The following NRCAM variants were observed in gnomAD, a reference collection of about 807,000 sequenced individuals.
NRCAM encodes neuronal cell adhesion molecule.
A neutral mutation model predicts 156.5 loss-of-function variants in NRCAM; 83 were observed. That is an observed-to-expected ratio of 0.53 (90% CI 0.44 to 0.64). The LOEUF is 0.64. Among genes scored for constraint, NRCAM ranks in the 30% least tolerant of loss-of-function variants. The probability of loss-of-function intolerance (pLI) is 0.00; values close to 1 mark genes in which losing one functional copy is unlikely to be tolerated. For synonymous variants in NRCAM, 538 were observed against 563.9 expected, an observed-to-expected ratio of 0.95 and a Z score of 0.65; for missense variants, 1,417 against 1,597.3, an observed-to-expected ratio of 0.89 and a Z score of 1.92.
intron 22 of NRCAM, among the ~76,000 whole-genome samples, chr7:108,183,236 T>A (rs417455): frequency 0.68 from 103,249 of 151,978 alleles, 37,144 homozygotes; most frequent in East Asian, 0.96. Flanking sequence ...AGAATCCTTT[T>A]TATATTCCTG....
chr7:108,191,722 T>A lies in NRCAM; in HGVS notation c.1903+7A>T. 6.3e-7 allele frequency: 1 copy of A among 1,585,880 alleles called. No homozygotes were observed. The highest frequency in any genetic ancestry group is 8.6e-7 in the Non-Finnish European group (1 of 1,163,092). On this transcript the variant is annotated splice_region_variant and intron_variant, in intron 18 of 32. Transcript: ENST00000379028. ...GCCAGTTGTGCTATTTTTGTTTTCG[T>A]TCTTACCAACAACGCTAAGCACAGC...
At chr7:108,276,511 C>T (rs1006250508) in intron 3 of NRCAM, among the ~76,000 whole-genome samples, 5 of 151,344 alleles carry the variant, frequency 3.3e-5, no homozygotes, top group Admixed American at 1.3e-4. Context: ...CTCTTTTGAT[C>T]TTTGTTGTTT....
chr7:108,164,456 A>G (rs1269485364), intron 30 of NRCAM, among the ~76,000 whole-genome samples: 1 of 152,072 alleles, frequency 6.6e-6, no homozygotes, highest in African/African-American at 2.4e-5. Context: ...AAATCAGAGA[A>G]AGAGAGAGAA....
chr7:108,397,024 T>C (rs540002043), intron 2 of NRCAM, among the ~76,000 whole-genome samples: 61 of 152,342 alleles, frequency 4.0e-4, no homozygotes, highest in Non-Finnish European at 7.8e-4. Flanking sequence ...GCAAGTGTCA[T>C]TGGTGTGAAC....
intron 1 of NRCAM, among the ~76,000 whole-genome samples, chr7:108,445,078 T>C (rs1000886667): frequency 2.6e-5 from 4 of 152,176 alleles, no homozygotes; most frequent in South Asian, 2.1e-4. Context: ...ATTAAAATGG[T>C]TTCATGCTTT....
intron 1 of NRCAM, among the ~76,000 whole-genome samples, chr7:108,411,021 CT>C (rs1794743030): frequency 6.6e-6 from 1 of 152,040 alleles, no homozygotes; most frequent in South Asian, 2.1e-4. Flanking sequence ...AAAAACTTTC[CT>C]TCTACAATGA....
chr7:108,150,691 T>TTACC, intron 32 of NRCAM: 1 of 532,526 alleles, frequency 1.9e-6, no homozygotes, highest in Non-Finnish European at 3.9e-6. Flanking sequence ...AACTTCAACC[T>TTACC]TACCTTTCAA....
chr7:108,398,881 TACTGA>T (rs1452420537), intron 2 of NRCAM, among the ~76,000 whole-genome samples: 3 of 151,812 alleles, frequency 2.0e-5, no homozygotes, highest in Non-Finnish European at 4.4e-5. Context: ...TAGCAATGTT[TACTGA>T]ACTGAACTGA....
chr7:108,369,126 A>G (rs2099612831), intron 2 of NRCAM, among the ~76,000 whole-genome samples: 1 of 152,144 alleles, frequency 6.6e-6, no homozygotes, highest in African/African-American at 2.4e-5. Flanking sequence ...ATTCAATACT[A>G]ATTTTAACTT....
At position 108,226,823 on chromosome 7, in the gene NRCAM, AC is replaced by A. The variant is rs200752574; in HGVS notation, c.551-446del. On this transcript the variant is annotated intron_variant, in intron 8 of 32. Transcript: ENST00000379028. ...ACATTCAGAAACTAAATACGTGGAG[AC>A]CATCTAACAATGAGCTGGGTCCTGT... Among the ~76,000 whole-genome samples, 1,329 of 152,298 alleles carry A rather than the reference AC, an allele frequency of 8.7e-3. 12 individuals are homozygous for A. The highest frequency in any genetic ancestry group is 0.027 in the Middle Eastern group (8 of 294).
intron 2 of NRCAM, among the ~76,000 whole-genome samples, chr7:108,347,211 G>T (rs2154284354): frequency 6.6e-6 from 1 of 151,694 alleles, no homozygotes; most frequent in African/African-American, 2.4e-5. Context: ...CTAATTTTTT[G>T]TATTTTTATA....
At chr7:108,232,078 C>CTT (rs11454932) in intron 7 of NRCAM, among the ~76,000 whole-genome samples, 12 of 147,556 alleles carry the variant, frequency 8.1e-5, no homozygotes, top group African/African-American at 2.2e-4. Context: ...GGAAGAAACA[C>CTT]TTTTTTTTTT....
chr7:108,181,484 T>C (rs1381791975), intron 24 of NRCAM, among the ~76,000 whole-genome samples: 1 of 152,232 alleles, frequency 6.6e-6, no homozygotes, highest in Non-Finnish European at 1.5e-5. Flanking sequence ...GTTCAACACA[T>C]GTGGTCCATA....
At chr7:108,431,404 GCTC>G (rs1488799208) in intron 1 of NRCAM, among the ~76,000 whole-genome samples, 1 of 152,204 alleles carries the variant, frequency 6.6e-6, no homozygotes, top group Non-Finnish European at 1.5e-5. Flanking sequence ...GGCTTCAGCA[GCTC>G]CTCAACAATT....
intron 2 of NRCAM, among the ~76,000 whole-genome samples, chr7:108,346,643 G>A (rs1383559673): frequency 6.6e-6 from 1 of 152,128 alleles, no homozygotes; most frequent in Non-Finnish European, 1.5e-5. Flanking sequence ...TACAGTGATG[G>A]TATTTTTCTG....
intron 11 of NRCAM, among the ~76,000 whole-genome samples, chr7:108,220,431 T>G (rs1474574053): frequency 6.6e-6 from 1 of 152,134 alleles, no homozygotes; most frequent in Non-Finnish European, 1.5e-5. Context: ...GGCCTCACAC[T>G]ACCTGATTTC....
intron 3 of NRCAM, among the ~76,000 whole-genome samples, chr7:108,297,439 TA>T (rs893476703): frequency 6.6e-6 from 1 of 152,170 alleles, no homozygotes; most frequent in Non-Finnish European, 1.5e-5. Flanking sequence ...CACAGAAAAT[TA>T]AAGCAGCATT....
intron 28 of NRCAM, among the ~76,000 whole-genome samples, chr7:108,172,783 A>T (rs78506178): frequency 0.043 from 6,554 of 152,252 alleles, 458 homozygotes; most frequent in African/African-American, 0.15. Flanking sequence ...TAATTGAATT[A>T]TCCTGGGTTT....
intron 3 of NRCAM, among the ~76,000 whole-genome samples, chr7:108,296,631 G>C (rs899305133): frequency 6.6e-6 from 1 of 152,142 alleles, no homozygotes; most frequent in Non-Finnish European, 1.5e-5. Flanking sequence ...TATCAAATAT[G>C]AATGCAGGGT....
Sources: gnomAD v4.1 joint callset for allele counts (sites outside exome capture counted in the v4.1 genomes callset) on GRCh38, gnomAD v4.1.1 for gene constraint, MANE v1.5 for transcripts, NCBI Gene and HGNC (gene_info 2026-07-23, HGNC 2026-07-21) for gene names.